TMEM132B: variants seen among roughly 807,000 people sequenced by gnomAD.
TMEM132B encodes the protein transmembrane protein 132B.
In TMEM132B, 18 loss-of-function variants were observed where a neutral mutation model predicts 90.8. The observed-to-expected ratio is 0.20, with a 90% CI of 0.14 to 0.29. TMEM132B has a LOEUF of 0.29. Ranked by LOEUF, TMEM132B falls within the 10% of genes least tolerant of loss-of-function variation. The probability of loss-of-function intolerance (pLI) is 1.00; values close to 1 mark genes in which losing one functional copy is unlikely to be tolerated. For synonymous variants in TMEM132B, 504 were observed against 523.3 expected (o/e 0.96, Z 0.50); for missense variants, 1,096 against 1,326.8 (o/e 0.83, Z 2.70).
chr12:125,518,849 T>C (rs900612603), intron 3 of TMEM132B, among the ~76,000 whole-genome samples: 3 of 152,234 alleles, frequency 2.0e-5, no homozygotes, highest in Non-Finnish European at 2.9e-5. Flanking sequence ...TGTAGTATCT[T>C]CTTATGTTGC....
At position 125,445,238 on chromosome 12, in the gene TMEM132B, G is replaced by A. The variant is rs1180210567; in HGVS notation, c.1106+29561G>A. Among the ~76,000 whole-genome samples the A allele has an allele frequency of 6.6e-6, 1 of 152,154 alleles. No homozygotes were observed. The highest frequency in any genetic ancestry group is 1.5e-5 in the Non-Finnish European group (1 of 68,026). On this transcript the variant is annotated intron_variant, in intron 3 of 8. Coordinates refer to ENST00000682704, the MANE Select transcript of TMEM132B (RefSeq NM_001366854.1). The surrounding 1 kb of genome is among the most constrained non-coding windows in gnomAD (Gnocchi z 4.3). ...TAATTGTCTTTTCCCACTGATGGAA[G>A]TGAAGCTTTGTGGTTGACGAGGTGG...
chr12:125,526,519 T>C (rs1475096235), intron 4 of TMEM132B, among the ~76,000 whole-genome samples: 1 of 152,226 alleles, frequency 6.6e-6, no homozygotes, highest in Non-Finnish European at 1.5e-5. Context: ...TTGAAGCATC[T>C]GCACTCATGG....
chr12:125,633,557 C>G (rs1886414198), intron 5 of TMEM132B, among the ~76,000 whole-genome samples: 1 of 152,178 alleles, frequency 6.6e-6, no homozygotes, highest in African/African-American at 2.4e-5. Flanking sequence ...ATGTTTGTAC[C>G]TGTTCTTTTT....
At chr12:125,388,729 T>C (rs188900891) in intron 2 of TMEM132B, among the ~76,000 whole-genome samples, 75 of 152,356 alleles carry the variant, frequency 4.9e-4, no homozygotes, top group Non-Finnish European at 8.5e-4. Flanking sequence ...GCTGTTTGAC[T>C]GCATAGATAC....
intron 5 of TMEM132B, chr12:125,585,593 C>T (rs1460188784): frequency 6.6e-6 from 1 of 152,174 alleles, no homozygotes; most frequent in African/African-American, 2.4e-5. Context: ...TAAGAGCCTG[C>T]TATGAAGCCC....
intron 2 of TMEM132B, among the ~76,000 whole-genome samples, chr12:125,357,300 A>G (rs60526661): frequency 0.012 from 1,891 of 152,272 alleles, 43 homozygotes; most frequent in African/African-American, 0.042. Context: ...CTAATCAAAC[A>G]ATGGGCTATG....
At chr12:125,532,634 C>A (rs1373888534) in intron 4 of TMEM132B, among the ~76,000 whole-genome samples, 1 of 151,938 alleles carries the variant, frequency 6.6e-6, no homozygotes. Flanking sequence ...TCTGCCCCAG[C>A]CTCTTGAGTA....
At chr12:125,544,579 G>A (rs554250327) in intron 4 of TMEM132B, among the ~76,000 whole-genome samples, 50 of 152,246 alleles carry the variant, frequency 3.3e-4, no homozygotes, top group Non-Finnish European at 5.6e-4. Flanking sequence ...AAGGGAAAAT[G>A]GGTAAAGAGT....
At chr12:125,559,411 G>C (rs1455259465) in intron 4 of TMEM132B, among the ~76,000 whole-genome samples, 1 of 152,122 alleles carries the variant, frequency 6.6e-6, no homozygotes, top group Non-Finnish European at 1.5e-5. Context: ...TTATCACAAA[G>C]CCATACTGCA....
At chr12:125,351,218 C>A (rs1354240754) in intron 2 of TMEM132B, among the ~76,000 whole-genome samples, 1 of 152,204 alleles carries the variant, frequency 6.6e-6, no homozygotes, top group African/African-American at 2.4e-5. Context: ...TTGCAGCATG[C>A]AAGCAGCCAT....
chr12:125,595,833 C>A (rs1377687358), intron 5 of TMEM132B, among the ~76,000 whole-genome samples: 1 of 151,324 alleles, frequency 6.6e-6, no homozygotes, highest in Non-Finnish European at 1.5e-5. Flanking sequence ...TTGAACCCAG[C>A]CCCATTGGAG....
intron 1 of TMEM132B, among the ~76,000 whole-genome samples, chr12:125,239,670 G>A (rs1417602501): frequency 7.9e-5 from 12 of 152,226 alleles, no homozygotes; most frequent in Admixed American, 7.9e-4. Flanking sequence ...GAGTGTGGCA[G>A]CCTGGGGGCA....
chr12:125,594,180 C>T lies in TMEM132B; in HGVS notation c.1437+10186C>T, dbSNP rs34496232. 9.1e-4 allele frequency among the ~76,000 whole-genome samples: 139 copies of T among 152,286 alleles called. No homozygotes were observed. The East Asian group carries it at 0.025, about 28-fold the overall frequency. ...TATGCTCCCTGTCTTTCCTTATTTGCTCTTGCTTCTTCCATCCAGTTAATT... is the reference window on the plus strand; with the variant it reads ...TATGCTCCCTGTCTTTCCTTATTTGTTCTTGCTTCTTCCATCCAGTTAATT... On this transcript the variant is annotated intron_variant, in intron 5 of 8. Coordinates refer to ENST00000682704, the MANE Select transcript of TMEM132B (RefSeq NM_001366854.1).
chr12:125,377,559 T>TA (rs1432679776), intron 2 of TMEM132B, among the ~76,000 whole-genome samples: 1 of 152,158 alleles, frequency 6.6e-6, no homozygotes, highest in Non-Finnish European at 1.5e-5. Context: ...TGGTGAGGAA[T>TA]ACACAGGTTA....
intron 1 of TMEM132B, among the ~76,000 whole-genome samples, chr12:125,215,734 G>T (rs1357543466): frequency 6.6e-6 from 1 of 152,208 alleles, no homozygotes; most frequent in Non-Finnish European, 1.5e-5. Context: ...TAGAGATGGG[G>T]TTTCACCATG....
intron 1 of TMEM132B, among the ~76,000 whole-genome samples, chr12:125,321,357 A>G (rs1425058928): frequency 6.6e-6 from 1 of 152,338 alleles, no homozygotes; most frequent in Admixed American, 6.5e-5. Flanking sequence ...TGCACAACCA[A>G]TGGAATGACT....
intron 4 of TMEM132B, among the ~76,000 whole-genome samples, chr12:125,543,983 C>A (rs1340222419): frequency 6.6e-6 from 1 of 152,188 alleles, no homozygotes; most frequent in Non-Finnish European, 1.5e-5. Flanking sequence ...ATTAAAAAAA[C>A]TGTGTACATA....
chr12:125,398,767 TA>T (rs1879231164), intron 2 of TMEM132B, among the ~76,000 whole-genome samples: 1 of 152,186 alleles, frequency 6.6e-6, no homozygotes, highest in African/African-American at 2.4e-5. Context: ...ACCACAAACT[TA>T]AAGGCTTAAA....
chr12:125,624,029 A>G (rs1886173009), intron 5 of TMEM132B, among the ~76,000 whole-genome samples: 1 of 152,180 alleles, frequency 6.6e-6, no homozygotes, highest in South Asian at 2.1e-4. Context: ...CATTCTGCCC[A>G]CCCTGCCCCA....
Sources: allele counts gnomAD v4.1 joint callset (sites outside exome capture counted in the v4.1 genomes callset), GRCh38; gene constraint gnomAD v4.1.1; non-coding constraint Gnocchi (gnomAD v3.1); transcripts MANE v1.5; gene names NCBI Gene and HGNC (gene_info 2026-07-23, HGNC 2026-07-21).